Variants in RCCD1 observed in about 807,000 individuals in gnomAD.
The protein encoded by RCCD1 is RCC1 domain containing 1.
In RCCD1, 40 loss-of-function variants were observed where a neutral mutation model predicts 37.6. That is an observed-to-expected ratio of 1.06 (90% confidence interval 0.83 to 1.39). The LOEUF is 1.39. Ranked by LOEUF, RCCD1 falls within the 40% of genes most tolerant of loss-of-function variation. RCCD1 has a pLI of 0.00. For missense variants in RCCD1, 577 were observed against 517.3 expected (o/e 1.12, Z -1.12); for synonymous variants, 263 against 230.0 (o/e 1.14, Z -1.30).
Position 90,957,581 on chromosome 15 carries a change from TGAC to T in RCCD1, c.558-18_558-16del. The T allele has an allele frequency of 1.2e-6, 2 of 1,613,822 alleles. No homozygotes were observed. The highest frequency in any genetic ancestry group is 1.7e-6 in the Non-Finnish European group (2 of 1,179,964). On this transcript the variant is annotated intron_variant, in intron 3 of 7. Transcript: ENST00000394258. ...CGGGACCCCTTAATGCGACTGTAGC[TGAC>T]GACGGTCTCCCTTGCTCAGGCATGG...
At chr15:90,960,182 C>T (rs2037285594) in intron 5 of RCCD1, 146 bp from the exon 6 acceptor site, 3 of 969,892 alleles carry the variant, frequency 3.1e-6, no homozygotes, top group Non-Finnish European at 4.6e-6. Context: ...AGTGCCAGCC[C>T]TGCCTGCAGA....
Position 90,957,879 on chromosome 15 carries a change from G to A in RCCD1, c.679+154G>A, listed in dbSNP as rs927746464. On this transcript the variant is annotated intron_variant, in intron 4 of 7. Transcript: ENST00000394258. ...TGACTCCTAAATGCCTCTCACCCTC[G>A]GCCTCCTCTGCCTGCACCATGGCCC... Among the ~76,000 whole-genome samples, 22 of 152,048 alleles carry A rather than the reference G, an allele frequency of 1.4e-4. 1 individual carries two copies. Among genetic ancestry groups the A allele is most frequent in the Admixed American group, 1.4e-3 (21 of 15,274 alleles).
Position 90,956,678 on chromosome 15 carries a change from G to A in RCCD1, c.-57G>A. 4 of 1,238,344 alleles carry A rather than the reference G, an allele frequency of 3.2e-6. No homozygotes were observed. The highest frequency in any genetic ancestry group is 4.0e-6 in the Non-Finnish European group (4 of 990,172). The allele number at this position is 1,238,344 out of a possible 1,614,324, so 76.7% of individuals were successfully genotyped here. A position where few individuals can be genotyped will look rare whatever the true frequency, so the allele number is the denominator to read the frequency against. On this transcript the variant is annotated 5_prime_UTR_variant, in exon 2 of 8. Transcript: ENST00000394258. Reference sequence around the variant, plus strand: ...TGTCCCACTAGCGGGCTCTTCGCAAGAATCCCCCCGGGCCCGCCGCAGCCA... The same window carrying A: ...TGTCCCACTAGCGGGCTCTTCGCAAAAATCCCCCCGGGCCCGCCGCAGCCA...
intron 7 of RCCD1, 80 bp from the exon 8 acceptor site, chr15:90,961,538 A>G: frequency 6.8e-7 from 1 of 1,461,092 alleles, no homozygotes; most frequent in Non-Finnish European, 9.3e-7. Flanking sequence ...ACTTCATTTG[A>G]TAGTCTGGGC....
At chr15:90,960,559 G>A (rs2037294959) in intron 6 of RCCD1, 61 bp downstream of exon 6, 1 of 1,519,506 alleles carries the variant, frequency 6.6e-7, no homozygotes, top group East Asian at 2.3e-5. Context: ...AGGGGGTGTG[G>A]TCGACGGAAA....
chr15:90,957,750 A>G, intron 4 of RCCD1, 25 bp downstream of exon 4: 1 of 1,580,170 alleles, frequency 6.3e-7, no homozygotes, highest in African/African-American at 1.3e-5. Context: ...GCTTCTCCAG[A>G]CGAGCTCATG....
chr15:90,957,467 A>C lies in RCCD1; in HGVS notation c.521A>C (p.Asp174Ala). The change falls in exon 3 of 8, where the codon GAC becomes GCC. Residue 174 changes from aspartate (D) to alanine (A), a missense_variant. Coordinates refer to ENST00000394258, the MANE Select transcript of RCCD1 (RefSeq NM_001017919.2). ...ELGAEHALLL[D>A]AAGQVFSWGG... ...GGCGCCGAGCACGCGTTGCTGCTGG[A>C]CGCTGCTGGCCAGGTGTTCTCCTGG... 6.5e-7 allele frequency: 1 copy of C among 1,543,846 alleles called. No individual in the cohort carries two copies. Among genetic ancestry groups the C allele is most frequent in the South Asian group, 1.2e-5 (1 of 85,170 alleles).
At chr15:90,959,392 C>T (rs1003311633) in intron 4 of RCCD1, among the ~76,000 whole-genome samples, 1 of 152,196 alleles carries the variant, frequency 6.6e-6, no homozygotes, top group Non-Finnish European at 1.5e-5. Flanking sequence ...CTGCACGTGG[C>T]TTTCATCAGG....
intron 7 of RCCD1, 44 bp downstream of exon 7, chr15:90,961,098 G>GAA (rs1567169837): frequency 6.3e-7 from 1 of 1,595,740 alleles, no homozygotes; most frequent in East Asian, 2.2e-5. Flanking sequence ...CCAAGGAGAA[G>GAA]AAAGACCTGG....
At chr15:90,957,866 G>T in intron 4 of RCCD1, 141 bp downstream of exon 4, 1 of 1,142,350 alleles carries the variant, frequency 8.8e-7, no homozygotes, top group South Asian at 1.5e-5. Flanking sequence ...ACTCCTAAAT[G>T]CCTCTCACCC....
At chr15:90,956,386 C>G (rs2037193583) in intron 1 of RCCD1, among the ~76,000 whole-genome samples, 1 of 152,132 alleles carries the variant, frequency 6.6e-6, no homozygotes, top group Non-Finnish European at 1.5e-5. Context: ...GTGGGGGTGT[C>G]GGGGGCGCTC....
intron 6 of RCCD1, 183 bp from the exon 7 acceptor site, chr15:90,960,842 T>C (rs1164341297): frequency 2.9e-6 from 2 of 696,338 alleles, no homozygotes; most frequent in Non-Finnish European, 5.2e-6. Flanking sequence ...CGCCACTTTT[T>C]CCCTCGGGAT....
intron 1 of RCCD1, 139 bp from the exon 2 acceptor site, chr15:90,956,473 G>T (rs773681602): frequency 1.9e-5 from 7 of 367,798 alleles, no homozygotes; most frequent in Non-Finnish European, 3.4e-5. Flanking sequence ...CCAAAAGGGA[G>T]GACAGGGAAA....
intron 4 of RCCD1, among the ~76,000 whole-genome samples, chr15:90,959,210 T>TA (rs1325003375): frequency 6.6e-6 from 1 of 152,232 alleles, no homozygotes; most frequent in Non-Finnish European, 1.5e-5. Flanking sequence ...GATATTGTCA[T>TA]AAAACCACCT....
Position 90,960,469 on chromosome 15 carries a change from G to GTGGATCC in RCCD1, c.921_927dup (p.Arg310TrpfsTer21). On this transcript the variant is annotated frameshift_variant, in exon 6 of 8. Coordinates refer to ENST00000394258, the MANE Select transcript of RCCD1 (RefSeq NM_001017919.2). LOFTEE classifies it high-confidence loss of function. ...GGCTCAGATGCAGTCAAGGCCAGCT[G>GTGGATCC]TGGATCCCGGCACACAGCTGTGGTG... The GTGGATCC allele has an allele frequency of 4.3e-6, 7 of 1,611,718 alleles. No individual in the cohort carries two copies. Among genetic ancestry groups the GTGGATCC allele is most frequent in the Non-Finnish European group, 5.9e-6 (7 of 1,179,936 alleles).
Position 90,957,184 on chromosome 15 carries a change from G to GA in RCCD1, c.239dup (p.Leu82AlafsTer47). On this transcript the variant is annotated frameshift_variant, in exon 3 of 8. Coordinates refer to ENST00000394258, the MANE Select transcript of RCCD1 (RefSeq NM_001017919.2). LOFTEE classifies it high-confidence loss of function. Reference sequence around the variant, plus strand: ...CCGCTGCAAGGACGCGTGGGCCTCGGAGGGGCTCCTCGCGGTGCTGCGCGC... The same window carrying GA: ...CCGCTGCAAGGACGCGTGGGCCTCGGAAGGGGCTCCTCGCGGTGCTGCGCGC... 1 of 1,389,542 alleles carries GA rather than the reference G, an allele frequency of 7.2e-7. No individual in the cohort carries two copies. Among genetic ancestry groups the GA allele is most frequent in the Non-Finnish European group, 9.3e-7 (1 of 1,077,846 alleles). 86.1% of individuals were successfully genotyped at this position (1,389,542 alleles called of 1,614,324 possible).
chr15:90,957,062 C>A (rs1200442882), intron 2 of RCCD1, 51 bp from the exon 3 acceptor site: 1 of 1,309,034 alleles, frequency 7.6e-7, no homozygotes, highest in South Asian at 2.3e-5. Flanking sequence ...CCCCGCTCCC[C>A]CCATCCCCGC....
Position 90,961,668 on chromosome 15 carries a change from C to T in RCCD1, c.1030C>T (p.Arg344Cys), listed in dbSNP as rs769774952. 19 of 1,614,014 alleles carry T rather than the reference C, an allele frequency of 1.2e-5. No individual in the cohort carries two copies. Among genetic ancestry groups the T allele is most frequent in the South Asian group, 7.7e-5 (7 of 91,090 alleles). The change falls in exon 8 of 8, where the codon CGC becomes TGC. Residue 344 changes from arginine to cysteine, a missense_variant. Transcript: ENST00000394258. ...GGACACCACCAGCTTGGATCGGCCTCGCCGTGTGGAATACTTTGTAGATAA... is the reference window on the plus strand; with the variant it reads ...GGACACCACCAGCTTGGATCGGCCTTGCCGTGTGGAATACTTTGTAGATAA... Reference protein sequence around the residue: ...HEDTTSLDRPRRVEYFVDKQL... With the variant: ...HEDTTSLDRPCRVEYFVDKQL...
At chr15:90,960,953 G>A in intron 6 of RCCD1, 72 bp from the exon 7 acceptor site, 1 of 1,460,620 alleles carries the variant, frequency 6.8e-7, no homozygotes, top group Non-Finnish European at 9.6e-7. Context: ...TGTGGGCTGT[G>A]CCAAGCTGGG....
Sources: gnomAD v4.1 joint callset for allele counts (sites outside exome capture counted in the v4.1 genomes callset) on GRCh38, gnomAD v4.1.1 for gene constraint, MANE v1.5 for transcripts, NCBI Gene and HGNC (gene_info 2026-07-23, HGNC 2026-07-21) for gene names.